Variants in HOXC4 observed in about 807,000 individuals in gnomAD.
HOXC4 encodes homeobox protein Hox-C4.
Under a neutral mutation model 25.5 loss-of-function variants are expected in HOXC4, and 15 were observed. That is an observed-to-expected ratio of 0.59 (90% confidence interval 0.39 to 0.91). The LOEUF is 0.91. Ranked by LOEUF, HOXC4 falls within the 40% of genes least tolerant of loss-of-function variation. The pLI is 0.00. For missense variants in HOXC4, 342 were observed against 352.4 expected, an observed-to-expected ratio of 0.97 and a Z score of 0.24; for synonymous variants, 165 against 148.0, an observed-to-expected ratio of 1.11 and a Z score of -0.83.
rs768897638 is a variant in HOXC4, at chr12:54,033,548, G to A, written c.-124+16134G>A. Reference sequence around the variant, plus strand: ...CACCGGCCCCGCCACAGATTTACCCGTGGATGACCAAACTGCACATGAGCC... The same window carrying A: ...CACCGGCCCCGCCACAGATTTACCCATGGATGACCAAACTGCACATGAGCC... On this transcript the variant is annotated intron_variant, in intron 1 of 3. Coordinates refer to the HOXC4 transcript ENST00000303406. 3.8e-6 allele frequency: 6 copies of A among 1,596,282 alleles called. No individual in the cohort carries two copies. The East Asian group carries it at 9.0e-5, about 24-fold the overall frequency.
chr12:54,041,531 C>G (rs1224744646), intron 1 of HOXC4, among the ~76,000 whole-genome samples: 2 of 152,302 alleles, frequency 1.3e-5, no homozygotes, highest in East Asian at 3.9e-4. Flanking sequence ...TCAACAATCC[C>G]CTCATTGTTT....
chr12:54,019,550 C>T (rs1940334278), intron 1 of HOXC4, among the ~76,000 whole-genome samples: 1 of 152,212 alleles, frequency 6.6e-6, no homozygotes, highest in South Asian at 2.1e-4. Context: ...GCCCCCGCCC[C>T]TGTGGATGGC....
chr12:54,029,743 T>C, intron 1 of HOXC4: 1 of 1,614,178 alleles, frequency 6.2e-7, no homozygotes, highest in Non-Finnish European at 8.5e-7. Flanking sequence ...TTCACTTCAA[T>C]CGCTACCTAA....
At chr12:54,034,563 T>C (rs1941130127) in intron 1 of HOXC4, 3 of 1,312,246 alleles carry the variant, frequency 2.3e-6, no homozygotes, top group Non-Finnish European at 3.2e-6. Context: ...TTTTCGCCTT[T>C]CCTCTCTATA....
intron 1 of HOXC4, chr12:54,033,983 C>A: frequency 1.7e-6 from 1 of 581,168 alleles, no homozygotes; most frequent in Non-Finnish European, 3.3e-6. Flanking sequence ...CCCCGGTGCT[C>A]GGATCTCGAG....
intron 1 of HOXC4, among the ~76,000 whole-genome samples, chr12:54,025,866 A>C (rs1001397497): frequency 1.6e-4 from 24 of 152,102 alleles, no homozygotes; most frequent in Admixed American, 9.8e-4. Flanking sequence ...GGCTCAAGGA[A>C]ACCTAGGCAT....
chr12:54,031,047 C>G (rs1313916855), intron 1 of HOXC4, among the ~76,000 whole-genome samples: 1 of 152,268 alleles, frequency 6.6e-6, no homozygotes, highest in South Asian at 2.1e-4. Flanking sequence ...CACACACACC[C>G]TGCGGGAAAA....
At chr12:54,032,205 A>G (rs1459259777) in intron 1 of HOXC4, among the ~76,000 whole-genome samples, 1 of 152,210 alleles carries the variant, frequency 6.6e-6, no homozygotes, top group Non-Finnish European at 1.5e-5. Context: ...GGACCCTAGC[A>G]TGGTGAGGTC....
chr12:54,047,575 G>A (rs1937746326), intron 1 of HOXC4, among the ~76,000 whole-genome samples: 1 of 152,208 alleles, frequency 6.6e-6, no homozygotes, highest in African/African-American at 2.4e-5. Context: ...GGCCAAAGCG[G>A]AAATCAATCA....
At chr12:54,017,045 G>A (rs944696216) in exon 1 of HOXC4, 11 of 152,046 alleles carry the variant, frequency 7.2e-5, no homozygotes, top group African/African-American at 2.7e-4. Flanking sequence ...CGAAGCTGGG[G>A]GCAGCTGGGG....
chr12:54,026,886 G>C (rs59323124), intron 1 of HOXC4, among the ~76,000 whole-genome samples: 4,129 of 151,820 alleles, frequency 0.027, 194 homozygotes, highest in African/African-American at 0.093. Flanking sequence ...TACACAGAAG[G>C]AAAAGATCAT....
In HOXC4 at chr12:54,031,727, G is replaced by C. The variant is rs149304279; in HGVS notation, c.-124+14313G>C. Among the ~76,000 whole-genome samples the C allele has an allele frequency of 3.3e-3, 501 of 152,268 alleles. 4 individuals carry two copies. Among genetic ancestry groups the C allele is most frequent in the African/African-American group, 0.011 (457 of 41,556 alleles). On this transcript the variant is annotated intron_variant, in intron 1 of 3. Transcript: ENST00000303406. ...CCAGTGCCTCCACCAGTGAGGAGGG[G>C]GCCTTCTCCTGGCGGGGCGGAGATT...
At chr12:54,034,164 G>A (rs1941109454) in intron 1 of HOXC4, 1 of 1,035,262 alleles carries the variant, frequency 9.7e-7, no homozygotes, top group East Asian at 2.4e-5. Context: ...CCTGTCTTGC[G>A]GCTCTCGCCT....
chr12:54,044,326 G>T (rs1391546394), intron 1 of HOXC4, among the ~76,000 whole-genome samples: 1 of 152,020 alleles, frequency 6.6e-6, no homozygotes, highest in Admixed American at 6.5e-5. Flanking sequence ...TTTTTAAAAG[G>T]CTAATTGGTG....
At chr12:54,040,182 G>A (rs1023957940) in intron 1 of HOXC4, among the ~76,000 whole-genome samples, 3 of 152,118 alleles carry the variant, frequency 2.0e-5, no homozygotes, top group African/African-American at 7.2e-5. Flanking sequence ...TGGAGCGGAG[G>A]GTGGGCAGGC....
chr12:54,037,633 C>A (rs1941209377), intron 1 of HOXC4, among the ~76,000 whole-genome samples: 1 of 152,214 alleles, frequency 6.6e-6, no homozygotes, highest in Admixed American at 6.5e-5. Flanking sequence ...CCCTCTCCAC[C>A]CTGCAAGGGG....
intron 1 of HOXC4, chr12:54,034,804 G>C: frequency 2.8e-6 from 1 of 359,156 alleles, no homozygotes; most frequent in Non-Finnish European, 5.3e-6. Flanking sequence ...ACCTTGGCCT[G>C]GGCCGTATCT....
upstream of HOXC4, among the ~76,000 whole-genome samples, chr12:54,049,882 G>A (rs1045040555): frequency 2.0e-4 from 30 of 151,714 alleles, no homozygotes; most frequent in African/African-American, 7.3e-4. Flanking sequence ...GAAATGAATT[G>A]CCTGATTGCA....
rs915991893 is a variant in HOXC4 at position 54,054,010 on chromosome 12, C to T, written c.88C>T (p.Pro30Ser). 2.5e-6 allele frequency: 4 copies of T among 1,614,214 alleles called. No homozygotes were observed. The highest frequency in any genetic ancestry group is 1.7e-5 in the Admixed American group (1 of 60,030). Residue 30 changes from proline (P) to serine (S), a missense_variant, in exon 1 of 2, where the codon CCT becomes TCT. Pro to Ser is a moderately conservative substitution (Grantham distance 74). Coordinates refer to ENST00000430889, the MANE Select transcript of HOXC4 (RefSeq NM_153633.3). ...CEEYSQNSYI[P>S]EHSPEYYGRT... ...AGAATATTCGCAAAATAGCTACATCCCTGAACACAGTCCGGAATATTACGG... is the reference window on the plus strand; with the variant it reads ...AGAATATTCGCAAAATAGCTACATCTCTGAACACAGTCCGGAATATTACGG...
Sources: gnomAD v4.1 joint callset for allele counts (sites outside exome capture counted in the v4.1 genomes callset) on GRCh38, gnomAD v4.1.1 for gene constraint, MANE v1.5 for transcripts, NCBI Gene and HGNC (gene_info 2026-07-23, HGNC 2026-07-21) for gene names.